TNC: variants seen among roughly 807,000 people sequenced by gnomAD.
TNC encodes tenascin.
TNC carries 109 observed loss-of-function variants against 202.4 expected under a neutral mutation model. The ratio of observed to expected loss-of-function variants is 0.54; its 90% CI spans 0.46 to 0.63. The LOEUF (loss-of-function observed/expected upper bound fraction) is 0.63, where lower values mean the gene tolerates loss of function less well. Ranked by LOEUF, TNC falls within the 30% of genes least tolerant of loss-of-function variation. The probability of loss-of-function intolerance (pLI) is 0.00; values close to 1 mark genes in which losing one functional copy is unlikely to be tolerated. For missense variants in TNC, 2,756 were observed against 2,833.3 expected (o/e 0.97, Z 0.62); for synonymous variants, 1,007 against 1,089.7 (o/e 0.92, Z 1.50).
In TNC at chr9:115,060,014, C is replaced by A; in HGVS notation, c.4034-12G>T. 1.2e-6 allele frequency: 2 copies of A among 1,603,632 alleles called. No homozygotes were observed. The highest frequency in any genetic ancestry group is 1.7e-6 in the Non-Finnish European group (2 of 1,173,910). On this transcript the variant is annotated splice_polypyrimidine_tract_variant and intron_variant, in intron 13 of 27. Transcript: ENST00000350763. Reference sequence around the variant, plus strand: ...CTGTGGGAGATCCTCTGAAGAAGGACAGAAAAGTATTTGTCAGTTCTATAA... The same window carrying A: ...CTGTGGGAGATCCTCTGAAGAAGGAAAGAAAAGTATTTGTCAGTTCTATAA...
chr9:115,108,120 C>T (rs1249086924), intron 1 of TNC, among the ~76,000 whole-genome samples: 1 of 152,158 alleles, frequency 6.6e-6, no homozygotes, highest in Non-Finnish European at 1.5e-5. Flanking sequence ...TTGTCTCTAC[C>T]TCTAGAGCTA....
In TNC at chr9:115,064,733, A is replaced by C. The variant is rs1181494327; in HGVS notation, c.3401T>G (p.Leu1134Arg). The C allele has an allele frequency of 6.2e-7, 1 of 1,614,232 alleles. No individual in the cohort carries two copies. The highest frequency in any genetic ancestry group is 1.7e-5 in the Admixed American group (1 of 60,032). Residue 1134 changes from leucine (L) to arginine (R), a missense_variant, in exon 11 of 28, where the codon CTC becomes CGC. Coordinates refer to ENST00000350763, the MANE Select transcript of TNC (RefSeq NM_002160.4). ...GSLRAVDIPG[L>R]KAATPYTVSI... is the part of the protein sequence containing the mutation. ...GACTGTATAAGGCGTAGCAGCCTTG[A>C]GGCCCGGTATGTCCACAGCCCGAAG...
intron 1 of TNC, among the ~76,000 whole-genome samples, chr9:115,110,980 C>T (rs1159793267): frequency 2.6e-5 from 4 of 151,612 alleles, no homozygotes; most frequent in Non-Finnish European, 4.4e-5. Flanking sequence ...CCCAGGTTCA[C>T]GCCAGTCTCC....
At chr9:115,067,730 T>C (rs1833060804) in intron 10 of TNC, among the ~76,000 whole-genome samples, 2 of 152,168 alleles carry the variant, frequency 1.3e-5, no homozygotes. Flanking sequence ...TCTGTTCATA[T>C]AGTTGATAGA....
At chr9:115,117,852 T>A (rs565305711) in intron 1 of TNC, 130 bp downstream of exon 1, 34 of 152,072 alleles carry the variant, frequency 2.2e-4, no homozygotes, top group Admixed American at 9.2e-4. Context: ...ACACTCCTTT[T>A]TTTTCCAGCG....
At chr9:115,062,308 A>T (rs1650695914) in intron 13 of TNC, among the ~76,000 whole-genome samples, 1 of 152,200 alleles carries the variant, frequency 6.6e-6, no homozygotes, top group Admixed American at 6.5e-5. Context: ...ATGTAAAGAA[A>T]TATACCCAAG....
At chr9:115,081,963 G>T in intron 5 of TNC, 35 bp from the exon 6 acceptor site, 1 of 1,554,640 alleles carries the variant, frequency 6.4e-7, no homozygotes, top group Non-Finnish European at 8.6e-7. Flanking sequence ...AGAGTTAGGG[G>T]AGGTGCCAGT....
chr9:115,032,731 AC>A (rs992478199), intron 22 of TNC, among the ~76,000 whole-genome samples: 28 of 152,086 alleles, frequency 1.8e-4, no homozygotes, highest in African/African-American at 6.8e-4. Flanking sequence ...ACTTAAGCTG[AC>A]CTCACATGTC....
intron 5 of TNC, 59 bp downstream of exon 5, chr9:115,082,633 C>G: frequency 7.8e-7 from 1 of 1,282,504 alleles, no homozygotes; most frequent in Non-Finnish European, 1.1e-6. Flanking sequence ...TCTTCAGAAC[C>G]CTTTGGTCAT....
At chr9:115,062,845 G>T in intron 13 of TNC, 72 bp downstream of exon 13, 1 of 1,523,348 alleles carries the variant, frequency 6.6e-7, no homozygotes, top group Non-Finnish European at 8.9e-7. Flanking sequence ...TCTGCCACAC[G>T]GGTGAATTTT....
chr9:115,026,268 A>T (rs1469233288), intron 26 of TNC, among the ~76,000 whole-genome samples: 1 of 152,190 alleles, frequency 6.6e-6, no homozygotes, highest in Non-Finnish European at 1.5e-5. Context: ...TGGGTAAGAA[A>T]GACACACTTT....
intron 21 of TNC, 148 bp downstream of exon 21, chr9:115,035,950 G>T: frequency 1.1e-6 from 1 of 896,882 alleles, no homozygotes; most frequent in Non-Finnish European, 1.7e-6. Flanking sequence ...GACTGAGTGG[G>T]CACTGGTGAA....
At position 115,026,682 on chromosome 9, in the gene TNC, C is replaced by T; in HGVS notation, c.6183G>A (p.Leu2061=). The T allele has an allele frequency of 6.2e-7, 1 of 1,613,758 alleles. No homozygotes were observed. Among genetic ancestry groups the T allele is most frequent in the Middle Eastern group, 1.7e-4 (1 of 6,016 alleles). Residue 2061 remains leucine (L), a synonymous_variant, in exon 26 of 28, where the codon CTG becomes CTA. Coordinates refer to ENST00000350763, the MANE Select transcript of TNC (RefSeq NM_002160.4). The part of the protein sequence containing the change: ...REEFWLGLDN[L]NKITAQGQYE... ...ACTGCCCCTGGGCTGTGATTTTGTTCAGGTTGTCCAGCCCTGTGGATGACA... is the reference window on the plus strand; with the variant it reads ...ACTGCCCCTGGGCTGTGATTTTGTTTAGGTTGTCCAGCCCTGTGGATGACA...
At chr9:115,103,113 C>A (rs1588220063) in intron 1 of TNC, among the ~76,000 whole-genome samples, 1 of 152,180 alleles carries the variant, frequency 6.6e-6, no homozygotes, top group East Asian at 1.9e-4. Context: ...ACACTAAGTG[C>A]AGAAGGTACA....
intron 10 of TNC, among the ~76,000 whole-genome samples, chr9:115,067,016 G>A (rs1474972997): frequency 6.6e-6 from 1 of 152,138 alleles, no homozygotes; most frequent in East Asian, 1.9e-4. Flanking sequence ...TACACCAGAG[G>A]CTCCAAAGCA....
At chr9:115,057,835 A>G (rs1299174973) in intron 14 of TNC, among the ~76,000 whole-genome samples, 1 of 152,236 alleles carries the variant, frequency 6.6e-6, no homozygotes, top group Non-Finnish European at 1.5e-5. Flanking sequence ...GGAAACCAAG[A>G]TTACTTGGAT....
rs117157378 is a variant in TNC, at chr9:115,105,113, A to T, written c.-137+12869T>A. ...ATTGACAATTACAAAATCCTGTTTA[A>T]ATCAAGTTCAATAAAGTCTCATACA... On this transcript the variant is annotated intron_variant, in intron 1 of 27. Transcript: ENST00000350763. 1.0e-3 allele frequency among the ~76,000 whole-genome samples: 156 copies of T among 152,310 alleles called. 2 individuals carry two copies. In the East Asian group the frequency reaches 0.028, roughly 27 times the overall value.
chr9:115,043,078 C>T (rs1021692960), intron 17 of TNC, among the ~76,000 whole-genome samples: 1 of 152,178 alleles, frequency 6.6e-6, no homozygotes, highest in African/African-American at 2.4e-5. Flanking sequence ...AATACCTCCC[C>T]TCAAAACCCA....
chr9:115,097,309 T>C (rs755466309), intron 1 of TNC, among the ~76,000 whole-genome samples: 57 of 152,156 alleles, frequency 3.7e-4, no homozygotes, highest in Admixed American at 6.5e-4. Context: ...AGAAGACATA[T>C]GTTAAGCTAC....
Sources: gnomAD v4.1 joint callset for allele counts (sites outside exome capture counted in the v4.1 genomes callset) on GRCh38, gnomAD v4.1.1 for gene constraint, MANE v1.5 for transcripts, NCBI Gene and HGNC (gene_info 2026-07-23, HGNC 2026-07-21) for gene names.